Variants in KIAA0825 observed in about 807,000 individuals in gnomAD.
KIAA0825 encodes KIAA0825.
KIAA0825 carries 119 observed loss-of-function variants against 147.6 expected under a neutral mutation model. The ratio of observed to expected loss-of-function variants is 0.81; its 90% CI spans 0.69 to 0.94. The LOEUF (loss-of-function observed/expected upper bound fraction) is 0.94. KIAA0825 is among the 40% of genes least tolerant of loss of function. KIAA0825 has a pLI of 0.00. For synonymous variants in KIAA0825, 470 were observed against 518.1 expected (o/e 0.91, Z 1.26); for missense variants, 1,381 against 1,472.7 (o/e 0.94, Z 1.02).
intron 20 of KIAA0825, among the ~76,000 whole-genome samples, chr5:94,215,465 A>C (rs559464052): frequency 1.3e-5 from 2 of 152,204 alleles, no homozygotes; most frequent in Non-Finnish European, 2.9e-5. Context: ...AGAGTTAAAA[A>C]TATTTTTTTC....
chr5:94,154,068 T>C lies in KIAA0825; in HGVS notation c.3767A>G (p.His1256Arg). 6.4e-7 allele frequency: 1 copy of C among 1,551,752 alleles called. No homozygotes were observed. Among genetic ancestry groups the C allele is most frequent in the South Asian group, 1.2e-5 (1 of 84,056 alleles). The change falls in exon 21 of 21, where the codon CAC becomes CGC. Residue 1256 changes from histidine to arginine, a missense_variant. Coordinates refer to ENST00000682413, the MANE Select transcript of KIAA0825 (RefSeq NM_001145678.3). ...CTGTGGGGTGCAAATTTGTTTTAAG[T>C]GCTCCAGTATTGCTTTTTCTTCCTC... ...LEEEEKAILE[H>R]LKQICTPQNS... is the part of the protein sequence containing the mutation.
At chr5:94,429,462 A>G (rs374270831) in intron 14 of KIAA0825, among the ~76,000 whole-genome samples, 9 of 151,604 alleles carry the variant, frequency 5.9e-5, no homozygotes, top group African/African-American at 1.7e-4. Flanking sequence ...TTCTATAGAC[A>G]TATGCACTTC....
intron 20 of KIAA0825, among the ~76,000 whole-genome samples, chr5:94,214,989 A>G (rs939721614): frequency 1.3e-5 from 2 of 152,252 alleles, no homozygotes; most frequent in African/African-American, 4.8e-5. Context: ...TATTAAAGTG[A>G]CATTAACTTG....
chr5:94,602,515 G>A (rs555868663), intron 1 of KIAA0825, among the ~76,000 whole-genome samples: 2 of 152,130 alleles, frequency 1.3e-5, no homozygotes, highest in Non-Finnish European at 2.9e-5. Context: ...TAATCCCAAC[G>A]TGTTGTTGAG....
intron 20 of KIAA0825, among the ~76,000 whole-genome samples, chr5:94,224,754 A>G (rs1210311315): frequency 6.6e-6 from 1 of 152,168 alleles, no homozygotes; most frequent in Non-Finnish European, 1.5e-5. Context: ...ATGTCTGAAG[A>G]TGTACTCTGA....
intron 20 of KIAA0825, among the ~76,000 whole-genome samples, chr5:94,186,746 G>A (rs1372894444): frequency 2.0e-5 from 3 of 152,202 alleles, no homozygotes; most frequent in African/African-American, 7.2e-5. Context: ...TAGAAACTGA[G>A]AAAGGACATA....
At chr5:94,230,013 A>G (rs1306467211) in intron 20 of KIAA0825, among the ~76,000 whole-genome samples, 1 of 152,134 alleles carries the variant, frequency 6.6e-6, no homozygotes, top group East Asian at 1.9e-4. Context: ...AGGCTATCAT[A>G]TTTAAATCCA....
chr5:94,378,221 CA>C (rs374893878), intron 20 of KIAA0825, among the ~76,000 whole-genome samples: 2 of 152,148 alleles, frequency 1.3e-5, no homozygotes, highest in Admixed American at 6.5e-5. Flanking sequence ...ATAAGCATAG[CA>C]CCTGACAGGT....
At chr5:94,270,202 A>T (rs1776922497) in intron 20 of KIAA0825, among the ~76,000 whole-genome samples, 1 of 152,192 alleles carries the variant, frequency 6.6e-6, no homozygotes, top group Non-Finnish European at 1.5e-5. Flanking sequence ...ATTATACAGT[A>T]GAACTATAGT....
intron 3 of KIAA0825, among the ~76,000 whole-genome samples, chr5:94,536,337 T>C (rs1195822806): frequency 6.6e-6 from 1 of 152,252 alleles, no homozygotes; most frequent in East Asian, 1.9e-4. Flanking sequence ...ATAGAAATTT[T>C]TACTGTGGTT....
intron 20 of KIAA0825, among the ~76,000 whole-genome samples, chr5:94,307,254 G>A (rs948823233): frequency 3.4e-4 from 52 of 151,840 alleles, no homozygotes; most frequent in African/African-American, 1.1e-3. Flanking sequence ...TTAAAGTACC[G>A]TATTTTTCTA....
intron 20 of KIAA0825, among the ~76,000 whole-genome samples, chr5:94,319,019 A>G (rs1275847678): frequency 6.6e-6 from 1 of 151,950 alleles, no homozygotes; most frequent in East Asian, 1.9e-4. Context: ...ATTTCTGTAG[A>G]TGATAGCACC....
intron 20 of KIAA0825, among the ~76,000 whole-genome samples, chr5:94,156,659 A>G (rs191525939): frequency 6.6e-6 from 1 of 152,290 alleles, no homozygotes; most frequent in East Asian, 1.9e-4. Context: ...TAGGCACTTC[A>G]CAGTATAATT....
At chr5:94,189,272 G>C (rs1260592730) in intron 20 of KIAA0825, among the ~76,000 whole-genome samples, 2 of 152,052 alleles carry the variant, frequency 1.3e-5, no homozygotes, top group South Asian at 4.1e-4. Flanking sequence ...ATCTTAATGA[G>C]AGTCCATTTT....
intron 15 of KIAA0825, among the ~76,000 whole-genome samples, chr5:94,410,292 CA>C (rs1245925241): frequency 1.3e-5 from 2 of 150,024 alleles, no homozygotes; most frequent in African/African-American, 2.4e-5. Context: ...AAAAACAATA[CA>C]AAAAAACAAG....
Position 94,286,867 on chromosome 5 carries a change from C to T in KIAA0825, c.3710+97501G>A, listed in dbSNP as rs146776334. ...GTGGCTGGTACTCAGGGAATTTGCA[C>T]CCCCACCTCTGCTTCTCTACTGAGA... On this transcript the variant is annotated intron_variant, in intron 20 of 20. Transcript: ENST00000682413. 5.6e-3 allele frequency among the ~76,000 whole-genome samples: 846 copies of T among 152,196 alleles called. 4 individuals carry two copies. Among genetic ancestry groups the T allele is most frequent in the African/African-American group, 0.019 (805 of 41,542 alleles).
intron 20 of KIAA0825, among the ~76,000 whole-genome samples, chr5:94,262,720 G>A (rs919835548): frequency 1.3e-5 from 2 of 151,982 alleles, no homozygotes; most frequent in Non-Finnish European, 2.9e-5. Context: ...AAACGTATAT[G>A]TTTGTGTATC....
intron 13 of KIAA0825, among the ~76,000 whole-genome samples, chr5:94,443,260 A>G (rs886110213): frequency 6.6e-6 from 1 of 152,004 alleles, no homozygotes; most frequent in Admixed American, 6.6e-5. Context: ...GGAGAAGCAT[A>G]TGTTCCCTCA....
chr5:94,540,083 T>C (rs1772985958), intron 2 of KIAA0825, among the ~76,000 whole-genome samples: 1 of 152,206 alleles, frequency 6.6e-6, no homozygotes, highest in South Asian at 2.1e-4. Context: ...CTGGTCTCCC[T>C]GAACTCTTCG....
Sources: gnomAD v4.1 joint callset for allele counts (sites outside exome capture counted in the v4.1 genomes callset) on GRCh38, gnomAD v4.1.1 for gene constraint, MANE v1.5 for transcripts, NCBI Gene and HGNC (gene_info 2026-07-23, HGNC 2026-07-21) for gene names.